The following CMYA5 variants were observed in gnomAD, a reference collection of about 807,000 sequenced individuals.
The protein encoded by CMYA5 is cardiomyopathy-associated protein 5.
CMYA5 carries 246 observed loss-of-function variants against 318.9 expected under a neutral mutation model. The ratio of observed to expected loss-of-function variants is 0.77; its 90% CI spans 0.70 to 0.86. CMYA5 has a LOEUF of 0.86. Among genes scored for constraint, CMYA5 ranks in the 40% least tolerant of loss-of-function variants. The pLI is 0.00. For synonymous variants in CMYA5, 1,641 were observed against 1,729.5 expected (o/e 0.95, Z 1.27); for missense variants, 4,589 against 4,678.2 (o/e 0.98, Z 0.56).
intron 2 of CMYA5, among the ~76,000 whole-genome samples, chr5:79,741,646 G>A (rs1405657236): frequency 6.6e-6 from 1 of 152,124 alleles, no homozygotes; most frequent in Non-Finnish European, 1.5e-5. Context: ...TACAGTGGAA[G>A]TGGGCCCCAT....
rs200040437 is a variant in CMYA5 at position 79,731,348 on chromosome 5, C to T, written c.2583C>T (p.Thr861=). ...AACACTCTTTCCCACCACACACAAC[C>T]GAGATGACTTCTGAATGCCAGGCCC... ...ASEHSFPPHT[T]EMTSECQAPP... is the part of the protein sequence containing the mutation. The change falls in exon 2 of 13, where the codon ACC becomes ACT. Residue 861 remains threonine, a synonymous_variant. Coordinates refer to ENST00000446378, the MANE Select transcript of CMYA5 (RefSeq NM_153610.5). 7.9e-5 allele frequency: 128 copies of T among 1,613,972 alleles called. 1 individual carries two copies. The African/African-American group carries it at 1.5e-3, about 18-fold the overall frequency.
Position 79,800,112 on chromosome 5 carries a change from A to G in CMYA5, c.*496A>G, listed in dbSNP as rs1829348014. The G allele has an allele frequency of 6.9e-6, 1 of 145,742 alleles. No individual in the cohort carries two copies. Among genetic ancestry groups the G allele is most frequent in the Admixed American group, 7.2e-5 (1 of 13,814 alleles). The allele number at this position is 145,742 out of a possible 1,614,324, so 9.0% of individuals were successfully genotyped here. On this transcript the variant is annotated 3_prime_UTR_variant, in exon 13 of 13. Transcript: ENST00000446378. ...TTAAATTTATAATGAACTCTTTTGT[A>G]ATAATGTATACTGTAGAACATGAGT...
intron 9 of CMYA5, among the ~76,000 whole-genome samples, chr5:79,771,686 C>CTA: frequency 6.6e-6 from 1 of 152,308 alleles, no homozygotes. Context: ...TCTGAGTGAA[C>CTA]CTTCTCAGCA....
Position 79,736,193 on chromosome 5 carries a change from A to T in CMYA5, c.7428A>T (p.Lys2476Asn), listed in dbSNP as rs1828061182. ...TLAEKKVLAE[K>N]QNSVAPLELR... is the part of the protein sequence containing the mutation. ...CAGAAAAGAAGGTGCTGGCAGAAAA[A>T]CAAAACTCTGTGGCCCCATTAGAGC... Residue 2476 changes from lysine (K) to asparagine (N), a missense_variant, in exon 2 of 13, where the codon AAA becomes AAT. Lys to Asn is a moderately conservative substitution (Grantham distance 94). Coordinates refer to ENST00000446378, the MANE Select transcript of CMYA5 (RefSeq NM_153610.5). 1 of 1,613,750 alleles carries T rather than the reference A, an allele frequency of 6.2e-7. No homozygotes were observed. The highest frequency in any genetic ancestry group is 8.5e-7 in the Non-Finnish European group (1 of 1,179,772).
intron 1 of CMYA5, among the ~76,000 whole-genome samples, chr5:79,690,600 A>G (rs1281823441): frequency 1.3e-5 from 2 of 152,234 alleles, no homozygotes; most frequent in Admixed American, 6.5e-5. Flanking sequence ...CAAATCCCAA[A>G]TATCAGTTTC....
intron 12 of CMYA5, among the ~76,000 whole-genome samples, chr5:79,795,496 C>T (rs1473492652): frequency 6.6e-6 from 1 of 152,188 alleles, no homozygotes; most frequent in African/African-American, 2.4e-5. Flanking sequence ...CTCAAGGCTT[C>T]CGCACCTCCT....
intron 9 of CMYA5, 40 bp downstream of exon 9, chr5:79,763,249 A>C (rs1580794193): frequency 6.6e-7 from 1 of 1,524,232 alleles, no homozygotes. Context: ...CCCAGAGCCC[A>C]GTAACCAAGC....
Position 79,734,936 on chromosome 5 carries a change from G to A in CMYA5, c.6171G>A (p.Val2057=), listed in dbSNP as rs73123878. 5.3e-4 allele frequency: 848 copies of A among 1,613,776 alleles called. 3 individuals carry two copies. The African/African-American group carries it at 0.011, about 20-fold the overall frequency. Residue 2057 remains valine (V), a synonymous_variant, in exon 2 of 13, where the codon GTG becomes GTA. Coordinates refer to ENST00000446378, the MANE Select transcript of CMYA5 (RefSeq NM_153610.5). ...AGAAACCAGTGTCTGGCCTATCAGTGGAACAGGTGAAGTCAGAAACAATCT... is the reference window on the plus strand; with the variant it reads ...AGAAACCAGTGTCTGGCCTATCAGTAGAACAGGTGAAGTCAGAAACAATCT... ...FFQKPVSGLS[V]EQVKSETISS...
chr5:79,738,033 A>G lies in CMYA5; in HGVS notation c.9268A>G (p.Thr3090Ala). The G allele has an allele frequency of 6.2e-7, 1 of 1,613,236 alleles. No homozygotes were observed. The highest frequency in any genetic ancestry group is 2.2e-5 in the East Asian group (1 of 44,880). ...ACTCTCAAAGGAAGTTACAGAAGAA[A>G]CTATCTCTTTCCCAGTAAGTTCAGT... ...EKLSKEVTEE[T>A]ISFPVSSVES... Residue 3090 changes from threonine to alanine, a missense_variant, in exon 2 of 13, where the codon ACT becomes GCT. Thr to Ala is a moderately conservative substitution (Grantham distance 58). Coordinates refer to ENST00000446378, the MANE Select transcript of CMYA5 (RefSeq NM_153610.5).
intron 1 of CMYA5, among the ~76,000 whole-genome samples, chr5:79,694,432 C>T (rs1291430812): frequency 6.6e-6 from 1 of 152,164 alleles, no homozygotes; most frequent in Non-Finnish European, 1.5e-5. Flanking sequence ...CCAGTGAAAG[C>T]CAACTCTTTC....
rs529196374 is a variant in CMYA5 at position 79,689,848 on chromosome 5, A to G, written c.-60A>G. The G allele has an allele frequency of 7.7e-5, 48 of 626,518 alleles. 2 individuals carry two copies. Among genetic ancestry groups the G allele is most frequent in the South Asian group, 6.7e-4 (38 of 56,660 alleles). The allele number at this position is 626,518 out of a possible 1,614,324, so 38.8% of individuals were successfully genotyped here. On this transcript the variant is annotated 5_prime_UTR_variant, in exon 1 of 13. Transcript: ENST00000446378. The stretch of plus-strand genomic sequence containing the variant: ...CAGGGGCCAGAGCAGTCGGAGGGAG[A>G]ACACCAGGCGCGGCGCGGGCGGCTC...
chr5:79,714,852 T>C (rs1827483868), intron 1 of CMYA5, among the ~76,000 whole-genome samples: 1 of 152,172 alleles, frequency 6.6e-6, no homozygotes, highest in Non-Finnish European at 1.5e-5. Flanking sequence ...AAGGTAGGAA[T>C]TGTGTTACTC....
intron 1 of CMYA5, among the ~76,000 whole-genome samples, chr5:79,712,251 G>A (rs759650470): frequency 2.0e-5 from 3 of 152,188 alleles, no homozygotes; most frequent in African/African-American, 2.4e-5. Flanking sequence ...GTCTTGGCCT[G>A]TTGCCCAGGC....
intron 1 of CMYA5, among the ~76,000 whole-genome samples, chr5:79,717,550 G>C (rs948964101): frequency 6.6e-6 from 1 of 152,132 alleles, no homozygotes; most frequent in African/African-American, 2.4e-5. Context: ...AATATACAAA[G>C]ATGATTCATT....
chr5:79,708,649 A>G (rs932225436), intron 1 of CMYA5, among the ~76,000 whole-genome samples: 1 of 152,012 alleles, frequency 6.6e-6, no homozygotes, highest in Non-Finnish European at 1.5e-5. Flanking sequence ...GTAACATTTT[A>G]AAAAATGGAG....
chr5:79,719,922 G>A (rs757333732), intron 1 of CMYA5, among the ~76,000 whole-genome samples: 8 of 152,084 alleles, frequency 5.3e-5, no homozygotes, highest in African/African-American at 1.4e-4. Context: ...ATGGAAATTC[G>A]AAAACTGAAA....
chr5:79,693,431 A>G lies in CMYA5; in HGVS notation c.149+3375A>G, dbSNP rs566274462. Among the ~76,000 whole-genome samples the G allele has an allele frequency of 5.3e-5, 8 of 151,374 alleles. No homozygotes were observed. The East Asian group carries it at 1.6e-3, about 29-fold the overall frequency. On this transcript the variant is annotated intron_variant, in intron 1 of 12. Coordinates refer to ENST00000446378, the MANE Select transcript of CMYA5 (RefSeq NM_153610.5). ...TCACGGCTCACTGCAGCCTTGACTAACCAGGCTCAGGTGATCCTCCCATCT... is the reference window on the plus strand; with the variant it reads ...TCACGGCTCACTGCAGCCTTGACTAGCCAGGCTCAGGTGATCCTCCCATCT...
chr5:79,777,212 CA>C (rs1475353092), intron 9 of CMYA5, among the ~76,000 whole-genome samples: 3 of 152,048 alleles, frequency 2.0e-5, no homozygotes, highest in Admixed American at 6.6e-5. Flanking sequence ...ATTTATGGTA[CA>C]AATTAAAAAG....
At position 79,736,941 on chromosome 5, in the gene CMYA5, G is replaced by A; in HGVS notation, c.8176G>A (p.Val2726Met). Residue 2726 changes from valine (V) to methionine (M), a missense_variant, in exon 2 of 13, where the codon GTG becomes ATG. Transcript: ENST00000446378. ...GGAGAAAACTAAGACTTTCCTGCCA[G>A]TGGTTCTTTCTTGTCATGATGAAAT... The part of the protein sequence containing the change: ...LVEKTKTFLP[V>M]VLSCHDEIEN... 1.2e-6 allele frequency: 2 copies of A among 1,613,312 alleles called. No homozygotes were observed. The highest frequency in any genetic ancestry group is 1.7e-6 in the Non-Finnish European group (2 of 1,179,756).
Sources: gnomAD v4.1 joint callset for allele counts (sites outside exome capture counted in the v4.1 genomes callset) on GRCh38, gnomAD v4.1.1 for gene constraint, MANE v1.5 for transcripts, NCBI Gene and HGNC (gene_info 2026-07-23, HGNC 2026-07-21) for gene names.